The following ZSWIM3 variants were observed in gnomAD, a reference collection of about 807,000 sequenced individuals.
The protein encoded by ZSWIM3 is zinc finger SWIM domain-containing protein 3.
ZSWIM3 carries 27 observed loss-of-function variants against 47.5 expected under a neutral mutation model. The observed-to-expected ratio is 0.57, with a 90% CI of 0.42 to 0.78. The LOEUF (loss-of-function observed/expected upper bound fraction) is 0.78. Ranked by LOEUF, ZSWIM3 falls within the 30% of genes least tolerant of loss-of-function variation. ZSWIM3 has a pLI of 0.00. For synonymous variants in ZSWIM3, 333 were observed against 333.9 expected, an observed-to-expected ratio of 1.00 and a Z score of 0.03; for missense variants, 689 against 861.3, an observed-to-expected ratio of 0.80 and a Z score of 2.50.
intron 1 of ZSWIM3, among the ~76,000 whole-genome samples, chr20:45,868,167 A>C (rs1037335607): frequency 6.6e-6 from 1 of 152,208 alleles, no homozygotes; most frequent in Admixed American, 6.5e-5. Flanking sequence ...CTGAAATGGC[A>C]CATCTCCCAA....
chr20:45,862,035 A>C (rs1985721013), intron 1 of ZSWIM3, among the ~76,000 whole-genome samples: 1 of 152,154 alleles, frequency 6.6e-6, no homozygotes, highest in Non-Finnish European at 1.5e-5. Flanking sequence ...TCTCAAAATA[A>C]ATAAATAAAA....
At chr20:45,858,197 C>T (rs1174792102) in intron 1 of ZSWIM3, among the ~76,000 whole-genome samples, 1 of 152,258 alleles carries the variant, frequency 6.6e-6, no homozygotes, top group African/African-American at 2.4e-5. Context: ...ACTCCATTCA[C>T]AGGCTTTTCT....
chr20:45,877,369 G>A lies in ZSWIM3; in HGVS notation c.811G>A (p.Glu271Lys), dbSNP rs769156098. Residue 271 changes from glutamate (E) to lysine (K), a missense_variant, in exon 2 of 2, where the codon GAG becomes AAG. Coordinates refer to ENST00000255152, the MANE Select transcript of ZSWIM3 (RefSeq NM_080752.4). ...GGCCAAGATGCTGAGCATCTTCACA[G>A]AGTTCAACTCCGATTGGCCCAAGGT... is the stretch of plus-strand genomic sequence containing the variant. ...SVAKMLSIFT[E>K]FNSDWPKVKV... The A allele has an allele frequency of 1.9e-6, 3 of 1,614,202 alleles. No individual in the cohort carries two copies. The highest frequency in any genetic ancestry group is 1.1e-5 in the South Asian group (1 of 91,078).
Position 45,878,494 on chromosome 20 carries a change from C to T in ZSWIM3, c.1936C>T (p.Arg646Cys), listed in dbSNP as rs766108911. 19 of 1,614,072 alleles carry T rather than the reference C, an allele frequency of 1.2e-5. No homozygotes were observed. The highest frequency in any genetic ancestry group is 1.4e-5 in the Non-Finnish European group (17 of 1,180,038). ...PELEERYSTL[R>C]KIVDIWAGPS... The stretch of plus-strand genomic sequence containing the variant: ...GCTGGAGGAACGCTACTCCACCCTG[C>T]GCAAGATTGTGGATATCTGGGCTGG... Residue 646 changes from arginine to cysteine, a missense_variant, in exon 2 of 2, where the codon CGC becomes TGC. Arg to Cys is a radical substitution (Grantham distance 180). Transcript: ENST00000255152.
chr20:45,858,083 C>A, intron 1 of ZSWIM3, 103 bp downstream of exon 1: 1 of 1,273,864 alleles, frequency 7.9e-7, no homozygotes, highest in Non-Finnish European at 1.1e-6. Flanking sequence ...CATTGGGCTG[C>A]GTGGCCATTC....
intron 1 of ZSWIM3, among the ~76,000 whole-genome samples, chr20:45,874,501 G>T (rs1986046210): frequency 6.6e-6 from 1 of 152,162 alleles, no homozygotes; most frequent in Non-Finnish European, 1.5e-5. Flanking sequence ...GACAGAGTGA[G>T]ACTTTAATTT....
chr20:45,859,792 CAAAAAAAAA>C lies in ZSWIM3; in HGVS notation c.155+1828_155+1836del, dbSNP rs765560893. Among the ~76,000 whole-genome samples, 71 of 52,096 alleles carry C rather than the reference CAAAAAAAAA, an allele frequency of 1.4e-3. 2 individuals are homozygous for C. Among genetic ancestry groups the C allele is most frequent in the South Asian group, 1.4e-3 (2 of 1,434 alleles). The allele number at this position is 52,096 out of a possible 152,430, so 34.2% of individuals were successfully genotyped here. Reference sequence around the variant, plus strand: ...ACCTTGCTAAGCAATGAGAGGAATACAAAAAAAAAAAAAAAAAAAAAAAACCACAGTTGC... The same window carrying C: ...ACCTTGCTAAGCAATGAGAGGAATACAAAAAAAAAAAAAAACCACAGTTGC... On this transcript the variant is annotated intron_variant, in intron 1 of 1. Transcript: ENST00000255152.
chr20:45,868,360 G>A (rs1461108710), intron 1 of ZSWIM3, among the ~76,000 whole-genome samples: 2 of 152,074 alleles, frequency 1.3e-5, no homozygotes, highest in Non-Finnish European at 2.9e-5. Flanking sequence ...GAATATTTTG[G>A]CAAAACCATC....
In ZSWIM3 at chr20:45,877,321, A is replaced by G. The variant is rs749706288; in HGVS notation, c.763A>G (p.Lys255Glu). ...ESRVVHFAVLKAETVTSVAKM... is the reference protein window; with the variant it reads ...ESRVVHFAVLEAETVTSVAKM... ...TCGAGTGGTGCACTTTGCTGTGCTC[A>G]AGGCGGAGACAGTCACCTCTGTGGC... Residue 255 changes from lysine to glutamate, a missense_variant, in exon 2 of 2, where the codon AAG (lysine) becomes GAG (glutamate). Physicochemically the swap from Lys to Glu is moderately conservative, Grantham distance 56. Transcript: ENST00000255152. The G allele has an allele frequency of 3.1e-6, 5 of 1,614,184 alleles. No individual in the cohort carries two copies. Among genetic ancestry groups the G allele is most frequent in the Non-Finnish European group, 4.2e-6 (5 of 1,180,026 alleles).
In ZSWIM3 at chr20:45,870,046, GA is replaced by G. The variant is rs771712120; in HGVS notation, c.156-6651del. Among the ~76,000 whole-genome samples the G allele has an allele frequency of 2.1e-3, 114 of 53,754 alleles. 1 individual carries two copies. Among genetic ancestry groups the G allele is most frequent in the East Asian group, 5.0e-3 (9 of 1,814 alleles). The allele number at this position is 53,754 out of a possible 152,430, so 35.3% of individuals were successfully genotyped here. On this transcript the variant is annotated intron_variant, in intron 1 of 1. Coordinates refer to ENST00000255152, the MANE Select transcript of ZSWIM3 (RefSeq NM_080752.4). ...GCAACAGGGCAAAACTCCGTCTCAAGAAAAAAAAAAAAAAAAAGAAAAGGCC... is the reference window on the plus strand; with the variant it reads ...GCAACAGGGCAAAACTCCGTCTCAAGAAAAAAAAAAAAAAAAGAAAAGGCC...
Position 45,878,469 on chromosome 20 carries a change from G to C in ZSWIM3, c.1911G>C (p.Glu637Asp). 1 of 1,614,244 alleles carries C rather than the reference G, an allele frequency of 6.2e-7. No homozygotes were observed. ...TGCTCATGCAGACCGAGGGGCCAGAGCTGGAGGAACGCTACTCCACCCTGC... is the reference window on the plus strand; with the variant it reads ...TGCTCATGCAGACCGAGGGGCCAGACCTGGAGGAACGCTACTCCACCCTGC... ...ANLLMQTEGP[E>D]LEERYSTLRK... Residue 637 changes from glutamate to aspartate, a missense_variant, in exon 2 of 2, where the codon GAG becomes GAC. Coordinates refer to ENST00000255152, the MANE Select transcript of ZSWIM3 (RefSeq NM_080752.4).
At chr20:45,863,468 C>T (rs969119865) in intron 1 of ZSWIM3, among the ~76,000 whole-genome samples, 1 of 152,142 alleles carries the variant, frequency 6.6e-6, no homozygotes, top group Admixed American at 6.5e-5. Flanking sequence ...GGCTCTTGCT[C>T]AGAAAAAACT....
chr20:45,871,247 G>A (rs1447135862), intron 1 of ZSWIM3, among the ~76,000 whole-genome samples: 3 of 152,116 alleles, frequency 2.0e-5, no homozygotes, highest in Non-Finnish European at 4.4e-5. Flanking sequence ...ATCTCCTTTA[G>A]TGCTTATATC....
chr20:45,876,191 C>G (rs921548655), intron 1 of ZSWIM3, among the ~76,000 whole-genome samples: 9 of 151,972 alleles, frequency 5.9e-5, no homozygotes, highest in African/African-American at 2.2e-4. Flanking sequence ...TACAGGCATG[C>G]ACTACCATGC....
chr20:45,870,046 G>GAAAA (rs771712120), intron 1 of ZSWIM3, among the ~76,000 whole-genome samples: 3 of 53,722 alleles, frequency 5.6e-5, no homozygotes, highest in African/African-American at 5.7e-5. Flanking sequence ...TCCGTCTCAA[G>GAAAA]AAAAAAAAAA....
rs751680946 is a variant in ZSWIM3, at chr20:45,878,378, C to G, written c.1820C>G (p.Thr607Arg). The change falls in exon 2 of 2, where the codon ACA becomes AGA. Residue 607 changes from threonine (T) to arginine (R), a missense_variant. By Grantham distance (71) the Thr-to-Arg change is moderately conservative. Coordinates refer to ENST00000255152, the MANE Select transcript of ZSWIM3 (RefSeq NM_080752.4). ...CAGGATCGTGGTATGGTCCCAAACA[C>G]AGGCCAGCCTGAGAAGCAAGGACGG... ...ELQDRGMVPNTGQPEKQGRND... is the reference protein window; with the variant it reads ...ELQDRGMVPNRGQPEKQGRND... The G allele has an allele frequency of 4.8e-5, 77 of 1,614,128 alleles. No homozygotes were observed. Among genetic ancestry groups the G allele is most frequent in the Non-Finnish European group, 5.4e-5 (64 of 1,180,050 alleles).
In ZSWIM3 at chr20:45,878,318, A is replaced by G; in HGVS notation, c.1760A>G (p.Lys587Arg). ...ATGGTGTGCCGCCGGTGGCAGAAGA[A>G]GTACCAGTACCTCCTTGGGCCCAAT... The part of the protein sequence containing the change: ...EAMVCRRWQK[K>R]YQYLLGPNGE... Residue 587 changes from lysine to arginine, a missense_variant, in exon 2 of 2, where the codon AAG (lysine) becomes AGG (arginine). Lys to Arg is a conservative substitution (Grantham distance 26). Coordinates refer to ENST00000255152, the MANE Select transcript of ZSWIM3 (RefSeq NM_080752.4). 2 of 1,614,244 alleles carry G rather than the reference A, an allele frequency of 1.2e-6. No homozygotes were observed. The highest frequency in any genetic ancestry group is 1.7e-6 in the Non-Finnish European group (2 of 1,180,038).
In ZSWIM3 at chr20:45,877,710, C is replaced by G; in HGVS notation, c.1152C>G (p.Gly384=). The change falls in exon 2 of 2, where the codon GGC becomes GGG. Residue 384 remains glycine, a synonymous_variant. Transcript: ENST00000255152. ...TGTGGTACATGCATGTTAGGAAGGG[C>G]CTGCTTGCGTGTAACACCTACATGG... The part of the protein sequence containing the change: ...ELLWYMHVRK[G]LLACNTYMDS... The G allele has an allele frequency of 2.5e-6, 4 of 1,613,988 alleles. No homozygotes were observed. Among genetic ancestry groups the G allele is most frequent in the Non-Finnish European group, 3.4e-6 (4 of 1,179,916 alleles).
rs748364577 is a variant in ZSWIM3, at chr20:45,857,906, C to T, written c.81C>T (p.Ser27=). 3 of 1,601,762 alleles carry T rather than the reference C, an allele frequency of 1.9e-6. No homozygotes were observed. The highest frequency in any genetic ancestry group is 1.7e-6 in the Non-Finnish European group (2 of 1,174,126). The change falls in exon 1 of 2, where the codon TCC becomes TCT. Residue 27 remains serine, a synonymous_variant. Transcript: ENST00000255152. ...FSAYKRENRC[S]FILRDCVSVR... is the part of the protein sequence containing the mutation. ...CCTACAAAAGGGAGAACAGGTGCTC[C>T]TTCATTCTCAGGGACTGCGTCTCCG...
Sources: allele counts gnomAD v4.1 joint callset (sites outside exome capture counted in the v4.1 genomes callset), GRCh38; gene constraint gnomAD v4.1.1; transcripts MANE v1.5; gene names NCBI Gene and HGNC (gene_info 2026-07-23, HGNC 2026-07-21).